Variants in ZBTB18 observed in about 807,000 individuals in gnomAD.
The protein encoded by ZBTB18 is zinc finger and BTB domain-containing protein 18.
Under a neutral mutation model 37.7 loss-of-function variants are expected in ZBTB18, and 2 were observed. That is an observed-to-expected ratio of 0.05 (90% CI 0.02 to 0.17). The LOEUF is 0.17. ZBTB18 is among the 10% of genes least tolerant of loss of function. The pLI, the probability that ZBTB18 is intolerant of heterozygous loss-of-function variation, is 1.00. For synonymous variants in ZBTB18, 304 were observed against 276.5 expected, an observed-to-expected ratio of 1.10 and a Z score of -0.99; for missense variants, 408 against 686.3, an observed-to-expected ratio of 0.59 and a Z score of 4.53.
Position 244,053,488 on chromosome 1 carries a change from AATTCTT to A in ZBTB18, c.14-292_14-287del, listed in dbSNP as rs1252557589. On this transcript the variant is annotated intron_variant, in intron 1 of 1. Transcript: ENST00000358704. This position sits in a 1 kb window ranked among gnomAD's most constrained non-coding sequence, Gnocchi z 5.2. ...TTAAATTTCTTCTGGAAGAGATCTA[AATTCTT>A]ATTCTTAGTGAGAGACTGTAGTTAA... 1.3e-5 allele frequency among the ~76,000 whole-genome samples: 2 copies of A among 151,858 alleles called. No homozygotes were observed. The highest frequency in any genetic ancestry group is 3.9e-4 in the East Asian group (2 of 5,182).
chr1:244,049,750 C>T (rs970303953), upstream of ZBTB18, among the ~76,000 whole-genome samples: 7 of 152,104 alleles, frequency 4.6e-5, no homozygotes, highest in Admixed American at 2.6e-4. Context: ...GCATTGCTTC[C>T]CCACTCGGCA....
upstream of ZBTB18, chr1:244,048,847 TG>T (rs921038818): frequency 4.9e-5 from 3 of 60,706 alleles, no homozygotes; most frequent in Non-Finnish European, 1.1e-4. Context: ...GAGCCGGGAT[TG>T]GGGGGTGGGG....
intron 1 of ZBTB18, among the ~76,000 whole-genome samples, chr1:244,052,500 A>C (rs926660335): frequency 2.6e-5 from 4 of 152,248 alleles, no homozygotes; most frequent in Non-Finnish European, 5.9e-5. Context: ...AAGTGTATCT[A>C]TTCCCAAAAT....
At chr1:244,051,112 CAGAAG>C (rs1230808262), upstream of ZBTB18, among the ~76,000 whole-genome samples, 2 of 152,138 alleles carry the variant, frequency 1.3e-5, no homozygotes, top group Non-Finnish European at 2.9e-5. Flanking sequence ...TTTATACTAA[CAGAAG>C]AGAAAAGTTC....
chr1:244,054,305 C>T lies in ZBTB18; in HGVS notation c.531C>T (p.Asn177=). 1 of 1,614,200 alleles carries T rather than the reference C, an allele frequency of 6.2e-7. No individual in the cohort carries two copies. Among genetic ancestry groups the T allele is most frequent in the Non-Finnish European group, 8.5e-7 (1 of 1,180,044 alleles). The change falls in exon 2 of 2, where the codon AAC becomes AAT. Residue 177 remains asparagine, a synonymous_variant. Transcript: ENST00000358704. This position sits in a 1 kb window ranked among gnomAD's most constrained non-coding sequence, Gnocchi z 9.0. The stretch of plus-strand genomic sequence containing the variant: ...ATGAAGGAGAAGATGAAAAATTGAA[C>T]ATCCTGCCCAGCAAAAGGGACTTGG... ...DEDEGEDEKL[N]ILPSKRDLAA...
intron 1 of ZBTB18, among the ~76,000 whole-genome samples, chr1:244,052,540 T>C (rs1452612144): frequency 6.6e-6 from 1 of 152,194 alleles, no homozygotes; most frequent in African/African-American, 2.4e-5. Context: ...GTGTGGAGGC[T>C]TGCTTCTGGT....
Position 244,054,220 on chromosome 1 carries a change from A to G in ZBTB18, c.446A>G (p.Lys149Arg), listed in dbSNP as rs1698407726. The change falls in exon 2 of 2, where the codon AAA (lysine) becomes AGA (arginine). Residue 149 changes from lysine (K) to arginine (R), a missense_variant. This residue lies in a region of ZBTB18 where 95 missense variants were observed against 218.7 expected (regional missense o/e 0.43). Coordinates refer to ENST00000358704, the MANE Select transcript of ZBTB18 (RefSeq NM_205768.3). This position sits in a 1 kb window ranked among gnomAD's most constrained non-coding sequence, Gnocchi z 9.0. ...GAAGATGCTTCAAGTTGTTCGGACAAAGTCGAGAGTCTCTCCGATGGCAGC... is the reference window on the plus strand; with the variant it reads ...GAAGATGCTTCAAGTTGTTCGGACAGAGTCGAGAGTCTCTCCGATGGCAGC... ...KEEDASSCSD[K>R]VESLSDGSSH... 4.3e-6 allele frequency: 7 copies of G among 1,614,192 alleles called. No homozygotes were observed. The highest frequency in any genetic ancestry group is 5.9e-6 in the Non-Finnish European group (7 of 1,180,034).
chr1:244,050,952 G>C (rs757274669), upstream of ZBTB18, among the ~76,000 whole-genome samples: 3 of 152,214 alleles, frequency 2.0e-5, no homozygotes, highest in Non-Finnish European at 2.9e-5. Flanking sequence ...TAGCACCGTG[G>C]CTTGAGTGTG....
rs1191203861 is a variant in ZBTB18 at position 244,056,284 on chromosome 1, G to C, written c.*914G>C. On this transcript the variant is annotated 3_prime_UTR_variant, in exon 2 of 2. Transcript: ENST00000358704. ...TAACACCATTTGGAAAAAAAAACTG[G>C]TGTTATGAAGAACGTAAATGCACTG... 1 of 166,928 alleles carries C rather than the reference G, an allele frequency of 6.0e-6. No homozygotes were observed. Among genetic ancestry groups the C allele is most frequent in the East Asian group, 1.9e-4 (1 of 5,206 alleles). The allele number at this position is 166,928 out of a possible 1,614,324, so 10.3% of individuals were successfully genotyped here.
At chr1:244,051,271 A>C (rs1572528645), upstream of ZBTB18, 3 of 651,980 alleles carry the variant, frequency 4.6e-6, no homozygotes, top group East Asian at 8.8e-5. Flanking sequence ...TCTAACACAC[A>C]GACAGGGAGT....
chr1:244,049,914 C>T (rs1698315114), upstream of ZBTB18, among the ~76,000 whole-genome samples: 1 of 152,164 alleles, frequency 6.6e-6, no homozygotes, highest in African/African-American at 2.4e-5. Context: ...CACCCCCCAC[C>T]CCACTGGGTA....
chr1:244,055,351 C>G lies in ZBTB18; in HGVS notation c.1577C>G (p.Ser526Cys). The change falls in exon 2 of 2, where the codon TCT becomes TGT. Residue 526 changes from serine (S) to cysteine (C), a missense_variant. Ser to Cys is a moderately radical substitution (Grantham distance 112). This residue lies in a region of ZBTB18 where 22 missense variants were observed against 38.3 expected (regional missense o/e 0.57). Transcript: ENST00000358704. This position sits in a 1 kb window ranked among gnomAD's most constrained non-coding sequence, Gnocchi z 7.0. Reference sequence around the variant, plus strand: ...AGAGACTGGACCTTAGAAGATAGCTCTCAAGAACTTTGGAAATAATTTTAT... The same window carrying G: ...AGAGACTGGACCTTAGAAGATAGCTGTCAAGAACTTTGGAAATAATTTTAT... The part of the protein sequence containing the change: ...TVRDWTLEDS[S>C]QELWK 2 of 1,470,370 alleles carry G rather than the reference C, an allele frequency of 1.4e-6. No individual in the cohort carries two copies. The highest frequency in any genetic ancestry group is 2.9e-5 in the South Asian group (2 of 67,968). The allele number at this position is 1,470,370 out of a possible 1,614,324, so 91.1% of individuals were successfully genotyped here.
chr1:244,048,978 C>T (rs1188727133), upstream of ZBTB18: 1 of 151,578 alleles, frequency 6.6e-6, no homozygotes, highest in Non-Finnish European at 1.5e-5. Context: ...GACGCGGTGA[C>T]TTAGGGCCGC....
At position 244,055,270 on chromosome 1, in the gene ZBTB18, G is replaced by C. The variant is rs760248940; in HGVS notation, c.1496G>C (p.Cys499Ser). The change falls in exon 2 of 2, where the codon TGT (cysteine) becomes TCT (serine). Residue 499 changes from cysteine to serine, a missense_variant. Coordinates refer to ENST00000358704, the MANE Select transcript of ZBTB18 (RefSeq NM_205768.3). This position sits in a 1 kb window ranked among gnomAD's most constrained non-coding sequence, Gnocchi z 7.0. The part of the protein sequence containing the change: ...DLYRHIRKFH[C>S]ELVNSLSVKS... ...TACAGACACATTCGCAAGTTCCACT[G>C]TGAGTTGGTGAACTCCTTGTCGGTC... is the stretch of plus-strand genomic sequence containing the variant. 6.2e-7 allele frequency: 1 copy of C among 1,614,012 alleles called. No homozygotes were observed. The highest frequency in any genetic ancestry group is 8.5e-7 in the Non-Finnish European group (1 of 1,179,992).
At position 244,053,192 on chromosome 1, in the gene ZBTB18, A is replaced by G. The variant is rs1558148547; in HGVS notation, c.14-596A>G. On this transcript the variant is annotated intron_variant, in intron 1 of 1. Transcript: ENST00000358704. The surrounding 1 kb of genome is among the most constrained non-coding windows in gnomAD (Gnocchi z 5.2). The stretch of plus-strand genomic sequence containing the variant: ...ACAGGGCTTTTGTTGTAACACCCTG[A>G]CTTTAAAAGTAAGTTGTTTGCTAAT... 6.6e-6 allele frequency among the ~76,000 whole-genome samples: 1 copy of G among 152,168 alleles called. No individual in the cohort carries two copies. The highest frequency in any genetic ancestry group is 1.5e-5 in the Non-Finnish European group (1 of 68,032).
chr1:244,053,790 T>A lies in ZBTB18; in HGVS notation c.16T>A (p.Tyr6Asn). 1 of 1,609,070 alleles carries A rather than the reference T, an allele frequency of 6.2e-7. No homozygotes were observed. Among genetic ancestry groups the A allele is most frequent in the East Asian group, 2.2e-5 (1 of 44,750 alleles). Residue 6 changes from tyrosine (Y) to asparagine (N), a missense_variant and splice_region_variant, in exon 2 of 2, where the codon TAT (tyrosine) becomes AAT (asparagine). Transcript: ENST00000358704. The surrounding 1 kb of genome is among the most constrained non-coding windows in gnomAD (Gnocchi z 5.2). MCPKGYEDSMEFPDHS... is the reference protein window; with the variant it reads MCPKGNEDSMEFPDHS... ...ATGAGAAATTCCTCTCTCCCCAGGTTATGAAGACAGTATGGAGTTTCCAGA... is the reference window on the plus strand; with the variant it reads ...ATGAGAAATTCCTCTCTCCCCAGGTAATGAAGACAGTATGGAGTTTCCAGA...
upstream of ZBTB18, among the ~76,000 whole-genome samples, chr1:244,048,616 T>TCCCCCGCGCCCGCCCCCCCCCCCCCCCCC (rs1698279408): frequency 2.9e-5 from 1 of 34,970 alleles, no homozygotes; most frequent in African/African-American, 9.4e-5. Context: ...CCCCTCCCCC[T>TCCCCCGCGCCCGCCCCCCCCCCCCCCCCC]CCCCCGCGCC....
upstream of ZBTB18, chr1:244,048,943 A>AGGC (rs1243316573): frequency 6.4e-6 from 1 of 156,620 alleles, no homozygotes; most frequent in Admixed American, 6.7e-5. Context: ...GAGGAGGAGG[A>AGGC]GGCGGAGGAC....
upstream of ZBTB18, chr1:244,051,268 CACAG>C (rs1698342830): frequency 1.6e-6 from 1 of 641,720 alleles, no homozygotes; most frequent in Non-Finnish European, 2.6e-6. Flanking sequence ...TATTCTAACA[CACAG>C]ACAGGGAGTT....
Sources: allele counts gnomAD v4.1 joint callset (sites outside exome capture counted in the v4.1 genomes callset), GRCh38; gene constraint gnomAD v4.1.1; regional missense constraint gnomAD v4.1.1; non-coding constraint Gnocchi (gnomAD v3.1); transcripts MANE v1.5; gene names NCBI Gene and HGNC (gene_info 2026-07-23, HGNC 2026-07-21).